Variants in SESN1 observed in about 807,000 individuals in gnomAD.
SESN1 encodes the protein sestrin 1.
SESN1 carries 30 observed loss-of-function variants against 59.3 expected under a neutral mutation model. The ratio of observed to expected loss-of-function variants is 0.51; its 90% CI spans 0.38 to 0.69. SESN1 has a LOEUF of 0.69. Among genes scored for constraint, SESN1 ranks in the 30% least tolerant of loss-of-function variants. The pLI is 0.00. For missense variants in SESN1, 566 were observed against 673.0 expected (o/e 0.84, Z 1.76); for synonymous variants, 197 against 219.9 (o/e 0.90, Z 0.92).
chr6:109,024,428 G>A (rs1780059091), intron 1 of SESN1, among the ~76,000 whole-genome samples: 2 of 152,138 alleles, frequency 1.3e-5, no homozygotes, highest in Non-Finnish European at 2.9e-5. Context: ...TTTTCTATAA[G>A]GGTAATGGTC....
At position 109,047,959 on chromosome 6, in the gene SESN1, G is replaced by C. The variant is rs201832314; in HGVS notation, c.280-45616C>G. Among the ~76,000 whole-genome samples, 20 of 147,014 alleles carry C rather than the reference G, an allele frequency of 1.4e-4. 1 individual carries two copies. The East Asian group carries it at 3.9e-3, about 29-fold the overall frequency. ...AGTACCCAGGGACACAAACACTGCG[G>C]AAGGCCACAGGGTCCTCTGCCTAGG... On this transcript the variant is annotated intron_variant, in intron 1 of 9. Transcript: ENST00000436639.
intron 1 of SESN1, among the ~76,000 whole-genome samples, chr6:109,076,128 T>C (rs770533925): frequency 6.6e-6 from 1 of 152,264 alleles, no homozygotes; most frequent in Non-Finnish European, 1.5e-5. Context: ...GGAATCTAAG[T>C]GCATGTGTGG....
intron 1 of SESN1, among the ~76,000 whole-genome samples, chr6:109,036,529 A>G (rs1026270433): frequency 2.0e-5 from 3 of 152,190 alleles, no homozygotes; most frequent in Non-Finnish European, 4.4e-5. Flanking sequence ...GTTTGTTTTT[A>G]TCTGAGGTTT....
At chr6:109,076,335 T>C (rs978997083) in intron 1 of SESN1, among the ~76,000 whole-genome samples, 3 of 152,224 alleles carry the variant, frequency 2.0e-5, no homozygotes, top group African/African-American at 7.2e-5. Context: ...CTACTTTCTT[T>C]CAATAAGTTT....
chr6:109,014,256 C>T (rs552230959), intron 1 of SESN1, among the ~76,000 whole-genome samples: 7 of 152,218 alleles, frequency 4.6e-5, no homozygotes, highest in Admixed American at 6.5e-5. Context: ...TGTTAAATAA[C>T]GGTCAGGTTT....
intron 1 of SESN1, among the ~76,000 whole-genome samples, chr6:109,024,389 A>T (rs1323332029): frequency 6.6e-6 from 1 of 152,196 alleles, no homozygotes; most frequent in South Asian, 2.1e-4. Context: ...CAGAAATAAG[A>T]ACTTGGATAG....
chr6:108,990,670 A>T lies in SESN1; in HGVS notation c.1399T>A (p.Tyr467Asn). 6.2e-7 allele frequency: 1 copy of T among 1,614,112 alleles called. No individual in the cohort carries two copies. ...TSMLRRAIWN[Y>N]IHCMFGIRYD... ...CTTATTCCAAACATGCAGTGAATAT[A>T]GTTCCAAATTGCCCGTCTAAGCATT... The change falls in exon 8 of 10, where the codon TAT becomes AAT. Residue 467 changes from tyrosine to asparagine, a missense_variant. Coordinates refer to ENST00000436639, the MANE Select transcript of SESN1 (RefSeq NM_014454.3).
intron 1 of SESN1, among the ~76,000 whole-genome samples, chr6:109,032,861 T>TA (rs1051763643): frequency 2.6e-5 from 4 of 152,194 alleles, no homozygotes; most frequent in East Asian, 1.9e-4. Context: ...TGTAGTTTTT[T>TA]AAAAAACAAT....
intron 1 of SESN1, chr6:109,009,430 A>T (rs1257862514): frequency 7.2e-7 from 1 of 1,386,428 alleles, no homozygotes. Flanking sequence ...GGGGCCGTGT[A>T]CGCCTCGTTC....
chr6:109,037,025 C>T (rs1160036227), intron 1 of SESN1, among the ~76,000 whole-genome samples: 1 of 152,096 alleles, frequency 6.6e-6, no homozygotes, highest in African/African-American at 2.4e-5. Flanking sequence ...TTCTACAGGG[C>T]CCCCGCCCAT....
rs935148748 is a variant in SESN1 at position 109,009,098 on chromosome 6, TC to T, written c.280-6756del. The T allele has an allele frequency of 5.2e-5, 41 of 788,678 alleles. No individual in the cohort carries two copies. In the African/African-American group the frequency reaches 6.9e-4, roughly 13 times the overall value. 48.9% of individuals were successfully genotyped at this position (788,678 alleles called of 1,614,324 possible). ...TTTACATGACCGCGGCCGCAGTCTC[TC>T]CCAGCTTAGCATTTTCTGCCCAGGG... On this transcript the variant is annotated intron_variant, in intron 1 of 9. Coordinates refer to ENST00000436639, the MANE Select transcript of SESN1 (RefSeq NM_014454.3).
intron 1 of SESN1, among the ~76,000 whole-genome samples, chr6:109,062,034 T>C (rs1780741916): frequency 6.6e-6 from 1 of 152,164 alleles, no homozygotes; most frequent in African/African-American, 2.4e-5. Context: ...TAGAAGGCTT[T>C]CTTTTTAAGA....
intron 1 of SESN1, among the ~76,000 whole-genome samples, chr6:109,048,400 T>C (rs1160466438): frequency 1.3e-5 from 2 of 152,168 alleles, no homozygotes; most frequent in Non-Finnish European, 2.9e-5. Flanking sequence ...TTAACAAAAG[T>C]AGTGAAAGTA....
At chr6:109,067,128 C>A (rs1780842678) in intron 1 of SESN1, among the ~76,000 whole-genome samples, 1 of 152,188 alleles carries the variant, frequency 6.6e-6, no homozygotes, top group Non-Finnish European at 1.5e-5. Context: ...AGCCTATAGT[C>A]TGGATGTCCC....
chr6:109,011,631 TC>T (rs748844574), intron 1 of SESN1, among the ~76,000 whole-genome samples: 8 of 149,100 alleles, frequency 5.4e-5, no homozygotes, highest in Admixed American at 4.0e-4. Context: ...AAATTTTTTT[TC>T]TTTTTTTTTT....
intron 1 of SESN1, among the ~76,000 whole-genome samples, chr6:109,027,271 G>A (rs1164990049): frequency 1.3e-5 from 2 of 151,234 alleles, no homozygotes; most frequent in Middle Eastern, 3.2e-3. Context: ...TCAGGAGTTC[G>A]AGACCAGTCT....
Position 109,087,201 on chromosome 6 carries a change from T to C in SESN1, c.279+6594A>G, listed in dbSNP as rs1158430423. Among the ~76,000 whole-genome samples, 9 of 152,170 alleles carry C rather than the reference T, an allele frequency of 5.9e-5. No individual in the cohort carries two copies. The East Asian group carries it at 1.7e-3, about 29-fold the overall frequency. On this transcript the variant is annotated intron_variant, in intron 1 of 9. Coordinates refer to ENST00000436639, the MANE Select transcript of SESN1 (RefSeq NM_014454.3). ...TCTGAACACATAAAGAGTACTGTTGTTAATTTTGATCTTTCTGAAGAGTCA... is the reference window on the plus strand; with the variant it reads ...TCTGAACACATAAAGAGTACTGTTGCTAATTTTGATCTTTCTGAAGAGTCA...
chr6:109,045,667 G>A (rs1472271732), intron 1 of SESN1, among the ~76,000 whole-genome samples: 3 of 152,120 alleles, frequency 2.0e-5, no homozygotes, highest in East Asian at 1.9e-4. Flanking sequence ...CTTCTACAGC[G>A]CTTACCCTGG....
At chr6:109,046,488 C>T in intron 1 of SESN1, among the ~76,000 whole-genome samples, 1 of 148,092 alleles carries the variant, frequency 6.8e-6, no homozygotes. Flanking sequence ...AGATTGCAGC[C>T]TCTGCCCGGC....
Sources: gnomAD v4.1 joint callset for allele counts (sites outside exome capture counted in the v4.1 genomes callset) on GRCh38, gnomAD v4.1.1 for gene constraint, MANE v1.5 for transcripts, NCBI Gene and HGNC (gene_info 2026-07-23, HGNC 2026-07-21) for gene names.